FAM81A: variants seen among roughly 807,000 people sequenced by gnomAD.
FAM81A encodes family with sequence similarity 81 member A, also known as protein FAM81A.
FAM81A carries 19 observed loss-of-function variants against 46.7 expected under a neutral mutation model. That is an observed-to-expected ratio of 0.41 (90% confidence interval 0.28 to 0.60). FAM81A has a LOEUF of 0.60. FAM81A is among the 20% of genes least tolerant of loss of function. The pLI is 0.34. For missense variants in FAM81A, 377 were observed against 453.5 expected (o/e 0.83, Z 1.53); for synonymous variants, 183 against 152.9 (o/e 1.20, Z -1.45).
chr15:59,512,345 G>T (rs558847953), intron 6 of FAM81A, among the ~76,000 whole-genome samples: 1 of 151,668 alleles, frequency 6.6e-6, no homozygotes, highest in Non-Finnish European at 1.5e-5. Context: ...GGTGGTGCGC[G>T]CCTGTAGTCC....
At chr15:59,512,336 G>A (rs574373686) in intron 6 of FAM81A, among the ~76,000 whole-genome samples, 29 of 152,034 alleles carry the variant, frequency 1.9e-4, no homozygotes, top group Admixed American at 4.6e-4. Flanking sequence ...GCTGGGCATG[G>A]TGGTGCGCGC....
At chr15:59,499,742 T>C (rs1318573414) in intron 4 of FAM81A, among the ~76,000 whole-genome samples, 8 of 152,218 alleles carry the variant, frequency 5.3e-5, no homozygotes, top group African/African-American at 1.9e-4. Context: ...TCTACTGCCT[T>C]GTGGTCTCAA....
intron 4 of FAM81A, among the ~76,000 whole-genome samples, chr15:59,492,809 T>G (rs1164619021): frequency 6.6e-6 from 1 of 152,202 alleles, no homozygotes; most frequent in East Asian, 1.9e-4. Flanking sequence ...AGATCTTTCT[T>G]CTCAGTATGA....
intron 6 of FAM81A, among the ~76,000 whole-genome samples, chr15:59,511,815 T>G (rs1415190486): frequency 6.6e-6 from 1 of 152,072 alleles, no homozygotes; most frequent in African/African-American, 2.4e-5. Flanking sequence ...CATGCCCAGC[T>G]AATTTTTGTA....
intron 4 of FAM81A, among the ~76,000 whole-genome samples, chr15:59,492,868 G>C (rs1702393296): frequency 6.6e-6 from 1 of 152,120 alleles, no homozygotes; most frequent in South Asian, 2.1e-4. Flanking sequence ...AGCCTCAACA[G>C]CACCTGGGAC....
intron 6 of FAM81A, among the ~76,000 whole-genome samples, chr15:59,510,535 G>T (rs1284294849): frequency 1.3e-5 from 2 of 151,946 alleles, no homozygotes; most frequent in East Asian, 3.8e-4. Context: ...GCCATATTAA[G>T]GGTGAGAAGG....
chr15:59,504,409 C>G (rs1364878772), intron 4 of FAM81A, among the ~76,000 whole-genome samples: 2 of 152,064 alleles, frequency 1.3e-5, no homozygotes, highest in African/African-American at 4.8e-5. Flanking sequence ...ATAAATAAAA[C>G]TAGGGTTTTA....
chr15:59,489,525 A>G (rs1468128134), intron 3 of FAM81A, among the ~76,000 whole-genome samples: 2 of 152,074 alleles, frequency 1.3e-5, no homozygotes, highest in Admixed American at 1.3e-4. Context: ...CAAAATACCA[A>G]TGACATTCTT....
chr15:59,505,692 T>TATAA (rs2082141909), intron 4 of FAM81A, among the ~76,000 whole-genome samples: 1 of 152,166 alleles, frequency 6.6e-6, no homozygotes, highest in Non-Finnish European at 1.5e-5. Flanking sequence ...TCTTCTACCT[T>TATAA]CTGAGTCTTG....
chr15:59,457,957 T>C (rs2081504689), intron 1 of FAM81A, among the ~76,000 whole-genome samples: 1 of 152,220 alleles, frequency 6.6e-6, no homozygotes, highest in Non-Finnish European at 1.5e-5. Flanking sequence ...ATATGCAAGA[T>C]GAAATATGAA....
At chr15:59,508,598 G>T (rs901372328) in intron 5 of FAM81A, among the ~76,000 whole-genome samples, 53 of 152,316 alleles carry the variant, frequency 3.5e-4, no homozygotes, top group African/African-American at 1.2e-3. Context: ...TCTTGGGTAG[G>T]AATTGGGCTT....
chr15:59,478,429 A>T (rs1352227550), intron 3 of FAM81A, among the ~76,000 whole-genome samples: 2 of 152,206 alleles, frequency 1.3e-5, no homozygotes, highest in Non-Finnish European at 2.9e-5. Flanking sequence ...CTTTACTAAC[A>T]TGGGAAAGCA....
At chr15:59,486,765 C>T (rs2141733332) in intron 3 of FAM81A, among the ~76,000 whole-genome samples, 1 of 152,180 alleles carries the variant, frequency 6.6e-6, no homozygotes, top group Middle Eastern at 3.4e-3. Flanking sequence ...TAGCATAAAA[C>T]CTACCATAGT....
Position 59,460,129 on chromosome 15 carries a change from C to T in FAM81A, c.217C>T (p.Arg73Cys), listed in dbSNP as rs2081533848. Residue 73 changes from arginine to cysteine, a missense_variant, in exon 3 of 9, where the codon CGC (arginine) becomes TGC (cysteine). Arg to Cys is a radical substitution (Grantham distance 180, BLOSUM62 -3). Coordinates refer to ENST00000288228, the MANE Select transcript of FAM81A (RefSeq NM_152450.3). This position sits in a 1 kb window ranked among gnomAD's most constrained non-coding sequence, Gnocchi z 4.4. ...AATGCAAAACAAAGGGGGAGGTGAC[C>T]GCTTGGCCAGGCTTTTCTTGGAGGA... ...QKMQNKGGGD[R>C]LARLFLEEHI... The T allele has an allele frequency of 1.2e-6, 2 of 1,613,944 alleles. No homozygotes were observed. Among genetic ancestry groups the T allele is most frequent in the Non-Finnish European group, 1.7e-6 (2 of 1,179,884 alleles).
intron 3 of FAM81A, among the ~76,000 whole-genome samples, chr15:59,478,965 G>A (rs1038822945): frequency 6.6e-6 from 1 of 152,154 alleles, no homozygotes; most frequent in African/African-American, 2.4e-5. Flanking sequence ...CAACTCAGAA[G>A]ACCAGATCCT....
At chr15:59,490,005 C>CAACATA (rs2081964669) in intron 3 of FAM81A, among the ~76,000 whole-genome samples, 1 of 151,584 alleles carries the variant, frequency 6.6e-6, no homozygotes. Flanking sequence ...ACCCAGTATA[C>CAACATA]AATAGTTGTG....
intron 1 of FAM81A, among the ~76,000 whole-genome samples, chr15:59,448,673 GTTT>G (rs1323277758): frequency 6.6e-6 from 1 of 151,202 alleles, no homozygotes; most frequent in Non-Finnish European, 1.5e-5. Flanking sequence ...TTGTTTTTTA[GTTT>G]TTTTAGAGAC....
At chr15:59,507,374 G>A (rs373603546) in intron 5 of FAM81A, 32 bp downstream of exon 5, 101 of 1,603,014 alleles carry the variant, frequency 6.3e-5, no homozygotes, top group Middle Eastern at 1.7e-4. Context: ...TTTTAGAAGC[G>A]GGTAATTTGT....
At chr15:59,456,795 G>A (rs527802593) in intron 1 of FAM81A, among the ~76,000 whole-genome samples, 7 of 152,088 alleles carry the variant, frequency 4.6e-5, no homozygotes, top group Non-Finnish European at 7.4e-5. Flanking sequence ...AGCTGGCCTC[G>A]AAATTCTGGG....
Sources: gnomAD v4.1 joint callset for allele counts (sites outside exome capture counted in the v4.1 genomes callset) on GRCh38, gnomAD v4.1.1 for gene constraint, Gnocchi (gnomAD v3.1) non-coding constraint, MANE v1.5 for transcripts, NCBI Gene and HGNC (gene_info 2026-07-23, HGNC 2026-07-21) for gene names.